HELZ: variants seen among roughly 807,000 people sequenced by gnomAD.
HELZ encodes helicase with zinc finger, also known as ATP-dependent RNA helicase with zinc finger domain.
In HELZ, 23 loss-of-function variants were observed where a neutral mutation model predicts 218.2. The ratio of observed to expected loss-of-function variants is 0.11; its 90% CI spans 0.08 to 0.15. HELZ has a LOEUF of 0.15. Among genes scored for constraint, HELZ ranks in the 10% least tolerant of loss-of-function variants. The probability of loss-of-function intolerance (pLI) is 1.00; values close to 1 mark genes in which losing one functional copy is unlikely to be tolerated. For synonymous variants in HELZ, 814 were observed against 829.4 expected (o/e 0.98, Z 0.32); for missense variants, 1,813 against 2,353.7 (o/e 0.77, Z 4.75).
chr17:67,243,417 GTACAGTAGGTGATAGAC>G (rs2041380790), intron 2 of HELZ, among the ~76,000 whole-genome samples: 1 of 152,114 alleles, frequency 6.6e-6, no homozygotes, highest in Non-Finnish European at 1.5e-5. Flanking sequence ...GGGACTAAAC[GTACAGTAGGTGATAGAC>G]ACCAAAACAC....
intron 12 of HELZ, among the ~76,000 whole-genome samples, chr17:67,187,658 G>C (rs2144276994): frequency 6.6e-6 from 1 of 152,288 alleles, no homozygotes; most frequent in South Asian, 2.1e-4. Flanking sequence ...CAAGAGCAAA[G>C]GAAATGTGGG....
intron 13 of HELZ, among the ~76,000 whole-genome samples, chr17:67,170,730 G>A (rs940819744): frequency 3.6e-4 from 55 of 151,768 alleles, no homozygotes; most frequent in Non-Finnish European, 3.2e-4. Flanking sequence ...GGGAGGCTGA[G>A]GAAGGAGAAT....
chr17:67,215,661 A>G (rs550003246), intron 5 of HELZ: 163 of 513,336 alleles, frequency 3.2e-4, no homozygotes, highest in African/African-American at 2.9e-3. Context: ...ACAAACTTCA[A>G]AAGGACACAT....
chr17:67,213,361 C>T (rs560741730), intron 5 of HELZ, among the ~76,000 whole-genome samples: 2 of 152,260 alleles, frequency 1.3e-5, no homozygotes, highest in East Asian at 1.9e-4. Flanking sequence ...CAGTGGCTCA[C>T]GTCTGTAATC....
At position 67,114,396 on chromosome 17, in the gene HELZ, A is replaced by T. The variant is rs962896442; in HGVS notation, c.3846T>A (p.Ser1282Arg). The T allele has an allele frequency of 2.5e-6, 4 of 1,594,194 alleles. No individual in the cohort carries two copies. Among genetic ancestry groups the T allele is most frequent in the African/African-American group, 2.7e-5 (2 of 74,542 alleles). The change falls in exon 28 of 33, where the codon AGT becomes AGA. Residue 1282 changes from serine (S) to arginine (R), a missense_variant. Around this residue, in one of 4 missense-constraint regions of HELZ, gnomAD observed 938 missense variants for 1,027.5 expected, o/e 0.91. Coordinates refer to ENST00000358691, the MANE Select transcript of HELZ (RefSeq NM_014877.4). The stretch of plus-strand genomic sequence containing the variant: ...TTTCAGGTCCGGAATTATTTGTATC[A>T]CTTTTACCTAAGAAAATATTTAAAA... ...DQHEQNRNGK[S>R]DTNNSGPEIN... is the part of the protein sequence containing the mutation.
chr17:67,094,333 A>AAAAGAGAGAGAGAGAG (rs528061407), intron 31 of HELZ, among the ~76,000 whole-genome samples: 4 of 146,632 alleles, frequency 2.7e-5, no homozygotes, highest in African/African-American at 1.1e-4. Flanking sequence ...AAAAAAAAAA[A>AAAAGAGAGAGAGAGAG]AGAGAGAGAG....
intron 31 of HELZ, among the ~76,000 whole-genome samples, chr17:67,101,700 A>G (rs1445436782): frequency 6.6e-6 from 1 of 152,196 alleles, no homozygotes; most frequent in Non-Finnish European, 1.5e-5. Context: ...TTCTCTCTGC[A>G]TTTCATTTTG....
At chr17:67,228,038 A>G (rs1216352225) in intron 3 of HELZ, among the ~76,000 whole-genome samples, 1 of 152,114 alleles carries the variant, frequency 6.6e-6, no homozygotes, top group African/African-American at 2.4e-5. Flanking sequence ...TTTGCCTATT[A>G]GAAAAAAAAT....
At chr17:67,218,505 G>T in intron 4 of HELZ, 90 bp downstream of exon 4, 1 of 967,830 alleles carries the variant, frequency 1.0e-6, no homozygotes, top group Non-Finnish European at 1.7e-6. Context: ...CATCTCTTTG[G>T]CCCAGAATTA....
chr17:67,209,273 G>A (rs570868025), intron 5 of HELZ, among the ~76,000 whole-genome samples: 1 of 152,086 alleles, frequency 6.6e-6, no homozygotes, highest in African/African-American at 2.4e-5. Context: ...TTCCAAGTTT[G>A]TTAGGCTAAA....
chr17:67,107,177 A>C lies in HELZ; in HGVS notation c.5233T>G (p.Leu1745Val). 1.2e-6 allele frequency: 2 copies of C among 1,611,686 alleles called. No individual in the cohort carries two copies. Among genetic ancestry groups the C allele is most frequent in the Non-Finnish European group, 1.7e-6 (2 of 1,178,716 alleles). Residue 1745 changes from leucine (L) to valine (V), a missense_variant, in exon 31 of 33, where the codon TTA becomes GTA. Coordinates refer to ENST00000358691, the MANE Select transcript of HELZ (RefSeq NM_014877.4). ...AATAAGAAGACATTTACCTCTTCTA[A>C]GCTAGGGAGCGAAGAAGAAGATACT... Reference protein sequence around the residue: ...RTVSSSSLPSLEEYEPRGPGR... With the variant: ...RTVSSSSLPSVEEYEPRGPGR...
chr17:67,088,659 G>A (rs1273447516), intron 31 of HELZ, among the ~76,000 whole-genome samples: 1 of 152,158 alleles, frequency 6.6e-6, no homozygotes, highest in Non-Finnish European at 1.5e-5. Context: ...GAAGGCAAGA[G>A]GTAGTACTGC....
At chr17:67,201,313 AC>A in intron 6 of HELZ, 128 bp from the exon 7 acceptor site, 1 of 597,486 alleles carries the variant, frequency 1.7e-6, no homozygotes, top group Non-Finnish European at 3.0e-6. Context: ...ATCCCTCATC[AC>A]TACTACCATT....
chr17:67,218,547 G>A (rs1047678605), intron 4 of HELZ, 48 bp downstream of exon 4: 3 of 1,398,304 alleles, frequency 2.1e-6, no homozygotes, highest in South Asian at 1.2e-5. Context: ...CAATGAAAAA[G>A]GCCATTTTAC....
intron 13 of HELZ, among the ~76,000 whole-genome samples, chr17:67,170,150 C>A (rs745378950): frequency 3.0e-4 from 46 of 152,164 alleles, no homozygotes; most frequent in Middle Eastern, 3.2e-3. Context: ...ACGAGAGCTG[C>A]ATAATGCTGA....
At chr17:67,181,058 T>A (rs377417156) in intron 12 of HELZ, among the ~76,000 whole-genome samples, 2 of 151,332 alleles carry the variant, frequency 1.3e-5, no homozygotes, top group Non-Finnish European at 2.9e-5. Context: ...TCTCAAAAAA[T>A]AAATAAATAA....
intron 5 of HELZ, among the ~76,000 whole-genome samples, chr17:67,204,282 ATCT>A (rs2040240877): frequency 6.6e-6 from 1 of 152,182 alleles, no homozygotes; most frequent in African/African-American, 2.4e-5. Flanking sequence ...TTATGAATAT[ATCT>A]TCTCCTATTA....
chr17:67,244,735 G>A (rs776559384), intron 1 of HELZ: 3 of 984,694 alleles, frequency 3.0e-6, no homozygotes, highest in Non-Finnish European at 3.6e-6. Flanking sequence ...ATCGAGCGGG[G>A]CGTGGGAGGC....
At chr17:67,212,291 G>C (rs898684241) in intron 5 of HELZ, among the ~76,000 whole-genome samples, 11 of 97,218 alleles carry the variant, frequency 1.1e-4, no homozygotes, top group Non-Finnish European at 1.7e-4. Context: ...CTCCAACCTG[G>C]GCGACAGGGA....
Sources: allele counts gnomAD v4.1 joint callset (sites outside exome capture counted in the v4.1 genomes callset), GRCh38; gene constraint gnomAD v4.1.1; regional missense constraint gnomAD v4.1.1; transcripts MANE v1.5; gene names NCBI Gene and HGNC (gene_info 2026-07-23, HGNC 2026-07-21).